CDH12: variants seen among roughly 807,000 people sequenced by gnomAD.
The protein encoded by CDH12 is cadherin-12.
Under a neutral mutation model 74.1 loss-of-function variants are expected in CDH12, and 41 were observed. That is an observed-to-expected ratio of 0.55 (90% confidence interval 0.43 to 0.72). The LOEUF (loss-of-function observed/expected upper bound fraction) is 0.72, where lower values mean the gene tolerates loss of function less well. Ranked by LOEUF, CDH12 falls within the 30% of genes least tolerant of loss-of-function variation. The pLI is 0.00. For synonymous variants in CDH12, 399 were observed against 355.0 expected (o/e 1.12, Z -1.39); for missense variants, 945 against 977.2 (o/e 0.97, Z 0.44).
chr5:21,961,666 CA>C (rs1756371250), intron 6 of CDH12, among the ~76,000 whole-genome samples: 2 of 151,996 alleles, frequency 1.3e-5, no homozygotes, highest in Non-Finnish European at 2.9e-5. Context: ...AAAATGCCAC[CA>C]GAAAGCACAA....
At chr5:21,860,758 T>C (rs1751003496) in intron 6 of CDH12, among the ~76,000 whole-genome samples, 1 of 152,062 alleles carries the variant, frequency 6.6e-6, no homozygotes, top group Non-Finnish European at 1.5e-5. Flanking sequence ...GACATACACC[T>C]GTGGTTTGTC....
chr5:21,833,203 TATTATAATA>T lies in CDH12; in HGVS notation c.814+8949_814+8957del, dbSNP rs1561225243. Among the ~76,000 whole-genome samples the T allele has an allele frequency of 2.9e-3, 64 of 22,190 alleles. 11 individuals are homozygous for T. The highest frequency in any genetic ancestry group is 0.014 in the African/African-American group (32 of 2,296). The allele number at this position is 22,190 out of a possible 152,430, so 14.6% of individuals were successfully genotyped here. A position where few individuals can be genotyped will look rare whatever the true frequency, so the allele number is the denominator to read the frequency against. On this transcript the variant is annotated intron_variant, in intron 8 of 14. Coordinates refer to ENST00000382254, the MANE Select transcript of CDH12 (RefSeq NM_004061.5). ...TATATTATATAACATATAATATATATATTATAATATATATTATATGTTATATAACATATA... is the reference window on the plus strand; with the variant it reads ...TATATTATATAACATATAATATATATTATATTATATGTTATATAACATATA...
At chr5:21,837,990 CGTGATTTTTTTGCAGAT>C (rs1749635337) in intron 8 of CDH12, among the ~76,000 whole-genome samples, 1 of 151,964 alleles carries the variant, frequency 6.6e-6, no homozygotes, top group Non-Finnish European at 1.5e-5. Context: ...CAACATACGC[CGTGATTTTTTTGCAGAT>C]GTGCTCTAAG....
At chr5:22,786,238 C>T (rs1196222926) in intron 1 of CDH12, among the ~76,000 whole-genome samples, 2 of 152,176 alleles carry the variant, frequency 1.3e-5, no homozygotes, top group African/African-American at 4.8e-5. Context: ...TTTTCATGTT[C>T]TCACTTATAA....
At chr5:22,399,224 ATC>A (rs1742603059) in intron 3 of CDH12, among the ~76,000 whole-genome samples, 1 of 151,664 alleles carries the variant, frequency 6.6e-6, no homozygotes, top group African/African-American at 2.4e-5. Context: ...CTATCTATCT[ATC>A]TATCTATCTA....
At chr5:22,005,857 T>C (rs1736922396) in intron 5 of CDH12, among the ~76,000 whole-genome samples, 1 of 152,182 alleles carries the variant, frequency 6.6e-6, no homozygotes. Flanking sequence ...TCTCCTACTC[T>C]CTGCAATGGG....
chr5:22,264,920 C>T (rs1031133881), intron 3 of CDH12, among the ~76,000 whole-genome samples: 4 of 152,104 alleles, frequency 2.6e-5, no homozygotes, highest in East Asian at 3.8e-4. Context: ...TTGTTTATGG[C>T]GAGACATTCT....
chr5:22,626,483 G>A (rs1333750896), intron 1 of CDH12, among the ~76,000 whole-genome samples: 2 of 152,168 alleles, frequency 1.3e-5, no homozygotes, highest in African/African-American at 4.8e-5. Context: ...GTGCAGAGCT[G>A]AGGCTTAGCC....
chr5:22,287,634 A>G (rs1477277713), intron 3 of CDH12, among the ~76,000 whole-genome samples: 3 of 151,164 alleles, frequency 2.0e-5, no homozygotes, highest in Admixed American at 1.3e-4. Flanking sequence ...GAGGCAGGAG[A>G]ATGGCGTGAA....
chr5:21,834,188 G>T (rs1749400990), intron 8 of CDH12, among the ~76,000 whole-genome samples: 1 of 151,508 alleles, frequency 6.6e-6, no homozygotes, highest in Admixed American at 6.6e-5. Flanking sequence ...TATTTTTTAT[G>T]CCCTTTAAAT....
chr5:22,076,884 C>T (rs1048490873), intron 5 of CDH12, among the ~76,000 whole-genome samples: 1 of 151,968 alleles, frequency 6.6e-6, no homozygotes, highest in East Asian at 1.9e-4. Context: ...GTCCATTTAT[C>T]GTTTGGGGCT....
At chr5:22,721,707 T>A (rs1327972463) in intron 1 of CDH12, among the ~76,000 whole-genome samples, 1 of 152,122 alleles carries the variant, frequency 6.6e-6, no homozygotes, top group Non-Finnish European at 1.5e-5. Flanking sequence ...TGAATTGTAA[T>A]CCCCATGTGT....
In CDH12 at chr5:22,016,017, C is replaced by T. The variant is rs6871628; in HGVS notation, c.232-40632G>A. 3.5e-3 allele frequency among the ~76,000 whole-genome samples: 526 copies of T among 151,758 alleles called. 3 individuals are homozygous for T. Among genetic ancestry groups the T allele is most frequent in the African/African-American group, 0.012 (511 of 41,082 alleles). ...ATTAAGTAGGACAGCATCATAGTTACACAATAATCTCTTTAGAAATATATA... is the reference window on the plus strand; with the variant it reads ...ATTAAGTAGGACAGCATCATAGTTATACAATAATCTCTTTAGAAATATATA... On this transcript the variant is annotated intron_variant, in intron 5 of 14. Transcript: ENST00000382254.
chr5:22,171,659 C>T (rs1004973397), intron 4 of CDH12, among the ~76,000 whole-genome samples: 3 of 152,056 alleles, frequency 2.0e-5, no homozygotes, highest in Non-Finnish European at 2.9e-5. Flanking sequence ...AACATAAATG[C>T]CTTGGCTGAG....
intron 1 of CDH12, among the ~76,000 whole-genome samples, chr5:22,523,404 G>A (rs1369489956): frequency 6.6e-6 from 1 of 152,038 alleles, no homozygotes; most frequent in Non-Finnish European, 1.5e-5. Flanking sequence ...TAAAATGTAA[G>A]CTGGTCCAGA....
At chr5:21,875,698 G>A (rs960180487) in intron 6 of CDH12, among the ~76,000 whole-genome samples, 9 of 65,720 alleles carry the variant, frequency 1.4e-4, no homozygotes, top group Non-Finnish European at 2.7e-4. Flanking sequence ...TTCACTCATT[G>A]TCATGCTTCT....
intron 3 of CDH12, among the ~76,000 whole-genome samples, chr5:22,281,294 A>G (rs1736871110): frequency 6.6e-6 from 1 of 152,214 alleles, no homozygotes; most frequent in Non-Finnish European, 1.5e-5. Context: ...ACCTGGAAGA[A>G]TTCTCTTTGA....
intron 3 of CDH12, among the ~76,000 whole-genome samples, chr5:22,314,971 T>TTAGTA (rs1738556943): frequency 3.8e-5 from 4 of 106,448 alleles, no homozygotes; most frequent in Non-Finnish European, 5.7e-5. Context: ...TTTTTTTTTT[T>TTAGTA]GAGATGGAGT....
intron 6 of CDH12, among the ~76,000 whole-genome samples, chr5:21,926,135 G>T (rs576236749): frequency 6.6e-6 from 1 of 152,014 alleles, no homozygotes; most frequent in South Asian, 2.1e-4. Context: ...GATGTGTTGT[G>T]CATATTTTTG....
Sources: allele counts gnomAD v4.1 joint callset (sites outside exome capture counted in the v4.1 genomes callset), GRCh38; gene constraint gnomAD v4.1.1; transcripts MANE v1.5; gene names NCBI Gene and HGNC (gene_info 2026-07-23, HGNC 2026-07-21).